FRMPD1: variants seen among roughly 807,000 people sequenced by gnomAD.
FRMPD1 encodes FERM and PDZ domain-containing protein 1.
FRMPD1 carries 76 observed loss-of-function variants against 117.8 expected under a neutral mutation model. The ratio of observed to expected loss-of-function variants is 0.65; its 90% confidence interval spans 0.54 to 0.78. The LOEUF is 0.78. FRMPD1 is among the 30% of genes least tolerant of loss of function. The pLI is 0.00. For missense variants in FRMPD1, 1,786 were observed against 1,964.5 expected (o/e 0.91, Z 1.72); for synonymous variants, 783 against 770.4 (o/e 1.02, Z -0.27).
At chr9:37,667,767 G>A (rs1821212148) in intron 1 of FRMPD1, among the ~76,000 whole-genome samples, 1 of 152,056 alleles carries the variant, frequency 6.6e-6, no homozygotes, top group Non-Finnish European at 1.5e-5. Context: ...CACTTCATGG[G>A]ATCCTAAAAT....
At chr9:37,625,357 C>T in the FRMPD1 span, among the ~76,000 whole-genome samples, 1 of 152,152 alleles carries the variant, frequency 6.6e-6, no homozygotes, top group African/African-American at 2.4e-5. Flanking sequence ...GATGATTTTG[C>T]CTCAGAATTC....
rs556459365 is a variant in FRMPD1, at chr9:37,733,123, C to A, written c.996-350C>A. 2.6e-5 allele frequency among the ~76,000 whole-genome samples: 4 copies of A among 152,134 alleles called. No homozygotes were observed. The East Asian group carries it at 7.7e-4, about 29-fold the overall frequency. ...GCCTAGGGGATTCACAGGAGCTCTGCGTTGCCCCATGAGAGTGTCTTGTAC... is the reference window on the plus strand; with the variant it reads ...GCCTAGGGGATTCACAGGAGCTCTGAGTTGCCCCATGAGAGTGTCTTGTAC... On this transcript the variant is annotated intron_variant, in intron 10 of 15. Coordinates refer to ENST00000377765, the MANE Select transcript of FRMPD1 (RefSeq NM_014907.3).
the FRMPD1 span, among the ~76,000 whole-genome samples, chr9:37,638,911 C>A: frequency 1.3e-5 from 2 of 152,188 alleles, no homozygotes; most frequent in African/African-American, 2.4e-5. Flanking sequence ...GCTATGAAAT[C>A]CCTGAGAGCA....
At chr9:37,699,479 C>A (rs1460489002) in intron 2 of FRMPD1, among the ~76,000 whole-genome samples, 2 of 151,802 alleles carry the variant, frequency 1.3e-5, no homozygotes, top group Non-Finnish European at 2.9e-5. Context: ...GCCACCACGC[C>A]TAGCTAATTT....
chr9:37,604,668 GAT>G, the FRMPD1 span, among the ~76,000 whole-genome samples: 1 of 152,162 alleles, frequency 6.6e-6, no homozygotes, highest in South Asian at 2.1e-4. Context: ...AAAGATTTTG[GAT>G]TTAAATCCTG....
Position 37,658,229 on chromosome 9 carries a change from G to C in FRMPD1, c.-5+7135G>C, listed in dbSNP as rs115300394. On this transcript the variant is annotated intron_variant, in intron 1 of 15. Coordinates refer to ENST00000377765, the MANE Select transcript of FRMPD1 (RefSeq NM_014907.3). Reference sequence around the variant, plus strand: ...GCAAGCCCACTGCAGCCTCACTTCGGAATCTATATTTGCGTTAGCACAGCC... The same window carrying C: ...GCAAGCCCACTGCAGCCTCACTTCGCAATCTATATTTGCGTTAGCACAGCC... 3.4e-3 allele frequency among the ~76,000 whole-genome samples: 512 copies of C among 152,168 alleles called. 4 individuals carry two copies. The highest frequency in any genetic ancestry group is 0.012 in the African/African-American group (478 of 41,524).
chr9:37,645,516 A>G, the FRMPD1 span, among the ~76,000 whole-genome samples: 2 of 152,336 alleles, frequency 1.3e-5, no homozygotes, highest in South Asian at 2.1e-4. Context: ...ACCACTAAAA[A>G]AAAAGGTAAA....
chr9:37,735,406 C>T, intron 12 of FRMPD1, 146 bp from the exon 13 acceptor site: 1 of 635,982 alleles, frequency 1.6e-6, no homozygotes, highest in South Asian at 2.0e-5. Flanking sequence ...TGATGGGGTC[C>T]AAGTTAGGCA....
intron 1 of FRMPD1, among the ~76,000 whole-genome samples, chr9:37,682,163 A>G (rs1255442252): frequency 6.6e-6 from 1 of 152,224 alleles, no homozygotes; most frequent in East Asian, 1.9e-4. Context: ...ATTACTTGAC[A>G]GGAGAAGAAT....
At chr9:37,654,014 G>C (rs1347220051) in intron 1 of FRMPD1, among the ~76,000 whole-genome samples, 3 of 152,204 alleles carry the variant, frequency 2.0e-5, no homozygotes, top group Non-Finnish European at 2.9e-5. Flanking sequence ...TTATGACCCT[G>C]TGTAGCACTA....
At chr9:37,735,856 G>A (rs1824097047) in intron 13 of FRMPD1, 122 bp downstream of exon 13, 6 of 673,648 alleles carry the variant, frequency 8.9e-6, no homozygotes, top group Non-Finnish European at 1.5e-5. Flanking sequence ...TGCTTAAGAG[G>A]ACGAATTGTC....
chr9:37,643,547 A>T, the FRMPD1 span, among the ~76,000 whole-genome samples: 1 of 152,128 alleles, frequency 6.6e-6, no homozygotes, highest in Non-Finnish European at 1.5e-5. Flanking sequence ...CCTCATTTTG[A>T]TCATTTCTTT....
intron 1 of FRMPD1, among the ~76,000 whole-genome samples, chr9:37,672,423 T>C (rs1821384090): frequency 6.6e-6 from 1 of 152,114 alleles, no homozygotes; most frequent in South Asian, 2.1e-4. Flanking sequence ...GGTAGGTCCT[T>C]GAAGTCCTGT....
At chr9:37,604,243 A>G in the FRMPD1 span, among the ~76,000 whole-genome samples, 1 of 152,202 alleles carries the variant, frequency 6.6e-6, no homozygotes, top group Non-Finnish European at 1.5e-5. Context: ...ACTAGGTAGT[A>G]GTGGCTTTGG....
the FRMPD1 span, among the ~76,000 whole-genome samples, chr9:37,634,759 T>C: frequency 6.7e-6 from 1 of 148,684 alleles, no homozygotes; most frequent in African/African-American, 2.6e-5. Context: ...ATTTTTTTTC[T>C]TCTTCTTTTT....
chr9:37,705,350 G>C (rs1822666749), intron 2 of FRMPD1, among the ~76,000 whole-genome samples: 1 of 152,138 alleles, frequency 6.6e-6, no homozygotes, highest in Non-Finnish European at 1.5e-5. Flanking sequence ...TTGTTTTTGA[G>C]ATAGTCTCGC....
chr9:37,718,044 T>C (rs185029285), intron 5 of FRMPD1, among the ~76,000 whole-genome samples: 99 of 152,340 alleles, frequency 6.5e-4, no homozygotes, highest in South Asian at 2.3e-3. Flanking sequence ...AAGCAAATTA[T>C]ATATTTGAGA....
chr9:37,668,331 GC>G (rs1821233329), intron 1 of FRMPD1: 1 of 152,338 alleles, frequency 6.6e-6, no homozygotes, highest in Admixed American at 6.5e-5. Flanking sequence ...TGAGGAGGGG[GC>G]CCGTGCCACA....
At chr9:37,627,229 C>T in the FRMPD1 span, among the ~76,000 whole-genome samples, 2 of 152,166 alleles carry the variant, frequency 1.3e-5, no homozygotes, top group Non-Finnish European at 2.9e-5. Context: ...CCTCATCTTC[C>T]TCCTTCTTTG....
Sources: allele counts gnomAD v4.1 joint callset (sites outside exome capture counted in the v4.1 genomes callset), GRCh38; gene constraint gnomAD v4.1.1; transcripts MANE v1.5; gene names NCBI Gene and HGNC (gene_info 2026-07-23, HGNC 2026-07-21).